XPO4: variants seen among roughly 807,000 people sequenced by gnomAD.
XPO4 encodes exportin-4.
In XPO4, 39 loss-of-function variants were observed where a neutral mutation model predicts 143.0. That is an observed-to-expected ratio of 0.27 (90% confidence interval 0.21 to 0.36). The LOEUF (loss-of-function observed/expected upper bound fraction) is 0.36. Ranked by LOEUF, XPO4 falls within the 10% of genes least tolerant of loss-of-function variation. The pLI is 1.00. For synonymous variants in XPO4, 439 were observed against 474.0 expected (o/e 0.93, Z 0.96); for missense variants, 907 against 1,348.0 (o/e 0.67, Z 5.12).
In XPO4 at chr13:20,781,220, CCAAGAGCATTAAAACAAAA is replaced by C. The variant is rs2059138890; in HGVS notation, c.*2483_*2501del. On this transcript the variant is annotated 3_prime_UTR_variant, in exon 23 of 23. Transcript: ENST00000255305. ...GCCAGTGTTCTTGACACCCACTGGG[CCAAGAGCATTAAAACAAAA>C]CAAGACCGGAGAAGTTAATAAACAC... 6.6e-6 allele frequency: 1 copy of C among 152,120 alleles called. No homozygotes were observed. Among genetic ancestry groups the C allele is most frequent in the African/African-American group, 2.4e-5 (1 of 41,392 alleles). 9.4% of individuals were successfully genotyped at this position (152,120 alleles called of 1,614,324 possible).
intron 1 of XPO4, among the ~76,000 whole-genome samples, chr13:20,882,447 C>G (rs1413520267): frequency 6.6e-6 from 1 of 152,016 alleles, no homozygotes; most frequent in Admixed American, 6.6e-5. Context: ...ACCAGATCTC[C>G]GGTGAACTCA....
chr13:20,842,359 C>T (rs2059984878), intron 6 of XPO4, among the ~76,000 whole-genome samples: 2 of 152,124 alleles, frequency 1.3e-5, no homozygotes, highest in Non-Finnish European at 1.5e-5. Context: ...GATAATACAA[C>T]CCACTTAAAC....
chr13:20,791,940 G>A (rs142707196), intron 18 of XPO4, among the ~76,000 whole-genome samples: 290 of 152,338 alleles, frequency 1.9e-3, no homozygotes, highest in African/African-American at 6.2e-3. Flanking sequence ...GTCACCAAAT[G>A]TTCCCTGCAC....
intron 1 of XPO4, among the ~76,000 whole-genome samples, chr13:20,889,568 C>T (rs1234737723): frequency 6.6e-6 from 1 of 152,124 alleles, no homozygotes; most frequent in Non-Finnish European, 1.5e-5. Flanking sequence ...AAAGTATCCA[C>T]CCGAAATGCT....
rs1224966807 is a variant in XPO4 at position 20,781,274 on chromosome 13, C to T, written c.*2448G>A. 1.3e-5 allele frequency: 2 copies of T among 152,324 alleles called. No homozygotes were observed. Among genetic ancestry groups the T allele is most frequent in the African/African-American group, 4.8e-5 (2 of 41,384 alleles). The allele number at this position is 152,324 out of a possible 1,614,324, so 9.4% of individuals were successfully genotyped here. A position where few individuals can be genotyped will look rare whatever the true frequency, so the allele number is the denominator to read the frequency against. On this transcript the variant is annotated 3_prime_UTR_variant, in exon 23 of 23. Coordinates refer to ENST00000255305, the MANE Select transcript of XPO4 (RefSeq NM_022459.5). The stretch of plus-strand genomic sequence containing the variant: ...AGAAGTTAATAAACACAGCTAAAGA[C>T]AAAATTGGACAAAATAAAACAAAAG...
At chr13:20,812,482 A>C (rs564460647) in intron 9 of XPO4, among the ~76,000 whole-genome samples, 1 of 152,330 alleles carries the variant, frequency 6.6e-6, no homozygotes, top group South Asian at 2.1e-4. Flanking sequence ...AGAATTTAGA[A>C]GAAAACACAG....
At chr13:20,789,641 T>A (rs550983007) in intron 19 of XPO4, among the ~76,000 whole-genome samples, 5 of 151,570 alleles carry the variant, frequency 3.3e-5, no homozygotes, top group African/African-American at 1.2e-4. Context: ...ATCTCCTGAC[T>A]TCGTGATCCA....
intron 6 of XPO4, among the ~76,000 whole-genome samples, chr13:20,840,591 G>T (rs932796801): frequency 2.6e-5 from 4 of 152,128 alleles, no homozygotes; most frequent in Non-Finnish European, 5.9e-5. Flanking sequence ...CATGGTACAA[G>T]GCTGCATAAT....
At chr13:20,902,540 C>T (rs2060631836) in intron 1 of XPO4, 130 bp downstream of exon 1, 1 of 1,320,560 alleles carries the variant, frequency 7.6e-7, no homozygotes, top group Non-Finnish European at 9.7e-7. Context: ...GCCACCGCCA[C>T]CTCCTCCTCC....
chr13:20,879,641 A>G (rs1311816136), intron 1 of XPO4, among the ~76,000 whole-genome samples: 6 of 152,234 alleles, frequency 3.9e-5, no homozygotes, highest in African/African-American at 1.4e-4. Flanking sequence ...GAATCAGACA[A>G]ACGAAACTCA....
At chr13:20,799,128 C>A in intron 16 of XPO4, 37 bp downstream of exon 16, 1 of 1,528,998 alleles carries the variant, frequency 6.5e-7, no homozygotes. Context: ...TACAGAGTTA[C>A]ACAAAAGGGT....
intron 1 of XPO4, chr13:20,902,151 C>T (rs2060626839): frequency 2.0e-6 from 2 of 985,386 alleles, no homozygotes; most frequent in Non-Finnish European, 2.4e-6. Context: ...GGCCCTTCCA[C>T]GTGCTGCCGG....
At chr13:20,794,579 T>G (rs1187136907) in intron 18 of XPO4, among the ~76,000 whole-genome samples, 3 of 152,068 alleles carry the variant, frequency 2.0e-5, no homozygotes, top group African/African-American at 7.2e-5. Flanking sequence ...TAGTAAGAGG[T>G]TAAGAATGCT....
intron 13 of XPO4, among the ~76,000 whole-genome samples, chr13:20,805,871 T>C (rs923604318): frequency 2.0e-5 from 3 of 152,180 alleles, no homozygotes; most frequent in East Asian, 3.8e-4. Flanking sequence ...GAAATGTTTC[T>C]ACCATATAAC....
Position 20,809,824 on chromosome 13 carries a change from G to A in XPO4, c.1317C>T (p.Cys439=), listed in dbSNP as rs1566574439. Residue 439 remains cysteine, a synonymous_variant, in exon 10 of 23, where the codon TGC becomes TGT. Coordinates refer to ENST00000255305, the MANE Select transcript of XPO4 (RefSeq NM_022459.5). ...AVQVFNSYIQ[C]HLAAPDGTRN... ...TTGTGCCATCTGGAGCAGCTAGGTG[G>A]CACTGAATATAGGAATTGAAAACTT... 1 of 1,612,716 alleles carries A rather than the reference G, an allele frequency of 6.2e-7. No individual in the cohort carries two copies. Among genetic ancestry groups the A allele is most frequent in the African/African-American group, 1.3e-5 (1 of 74,852 alleles).
At position 20,868,607 on chromosome 13, in the gene XPO4, T is replaced by G; in HGVS notation, c.164A>C (p.Lys55Thr). 6.2e-7 allele frequency: 1 copy of G among 1,612,530 alleles called. No individual in the cohort carries two copies. Among genetic ancestry groups the G allele is most frequent in the Non-Finnish European group, 8.5e-7 (1 of 1,179,356 alleles). ...RKSKSPFAVC[K>T]HILETSKVDY... Reference sequence around the variant, plus strand: ...AAGTGAATACTTACCCAAAATATGCTTGCAAACTGCAAATGGTGATTTTGA... The same window carrying G: ...AAGTGAATACTTACCCAAAATATGCGTGCAAACTGCAAATGGTGATTTTGA... Residue 55 changes from lysine (K) to threonine (T), a missense_variant, in exon 2 of 23, where the codon AAG becomes ACG. Coordinates refer to ENST00000255305, the MANE Select transcript of XPO4 (RefSeq NM_022459.5).
In XPO4 at chr13:20,856,472, T is replaced by C. The variant is rs149992480; in HGVS notation, c.318-707A>G. 1.1e-3 allele frequency: 564 copies of C among 515,738 alleles called. 1 individual carries two copies. Among genetic ancestry groups the C allele is most frequent in the Non-Finnish European group, 1.3e-3 (514 of 401,050 alleles). 31.9% of individuals were successfully genotyped at this position (515,738 alleles called of 1,614,324 possible). A position where few individuals can be genotyped will look rare whatever the true frequency, so the allele number is the denominator to read the frequency against. The stretch of plus-strand genomic sequence containing the variant: ...ACTTTTCACAATCTTTTCTGAAAGA[T>C]AAGGATCAGAAAACATAATCCCAAA... On this transcript the variant is annotated intron_variant, in intron 3 of 22. Coordinates refer to ENST00000255305, the MANE Select transcript of XPO4 (RefSeq NM_022459.5).
At chr13:20,784,876 A>C (rs2059181287) in intron 22 of XPO4, among the ~76,000 whole-genome samples, 1 of 151,640 alleles carries the variant, frequency 6.6e-6, no homozygotes, top group Non-Finnish European at 1.5e-5. Context: ...CAAGAGGTTG[A>C]GGCTGCAGTG....
Position 20,827,124 on chromosome 13 carries a change from T to A in XPO4, c.783A>T (p.Pro261=). 6.2e-7 allele frequency: 1 copy of A among 1,614,076 alleles called. No individual in the cohort carries two copies. Among genetic ancestry groups the A allele is most frequent in the Non-Finnish European group, 8.5e-7 (1 of 1,179,924 alleles). Residue 261 remains proline, a synonymous_variant, in exon 7 of 23, where the codon CCA becomes CCT. Coordinates refer to ENST00000255305, the MANE Select transcript of XPO4 (RefSeq NM_022459.5). The part of the protein sequence containing the change: ...FESSQNVLLK[P]TESWRETLLD... ...GAAGAGTCTCCCGCCAGGACTCTGT[T>A]GGCTTCAACAGCACATTTTGCGAGG... is the stretch of plus-strand genomic sequence containing the variant.
Sources: gnomAD v4.1 joint callset for allele counts (sites outside exome capture counted in the v4.1 genomes callset) on GRCh38, gnomAD v4.1.1 for gene constraint, MANE v1.5 for transcripts, NCBI Gene and HGNC (gene_info 2026-07-23, HGNC 2026-07-21) for gene names.